The following PIGK variants were observed in gnomAD, a reference collection of about 807,000 sequenced individuals.
PIGK encodes phosphatidylinositol glycan anchor biosynthesis class K.
A neutral mutation model predicts 50.6 loss-of-function variants in PIGK; 42 were observed. The observed-to-expected ratio is 0.83, with a 90% CI of 0.65 to 1.07. The LOEUF is 1.07. Ranked by LOEUF, PIGK falls within the 50% of genes least tolerant of loss-of-function variation. The pLI is 0.00. For synonymous variants in PIGK, 151 were observed against 156.0 expected (o/e 0.97, Z 0.24); for missense variants, 448 against 488.7 (o/e 0.92, Z 0.78).
At chr1:77,212,342 C>G (rs2100589420) in intron 1 of PIGK, among the ~76,000 whole-genome samples, 1 of 152,220 alleles carries the variant, frequency 6.6e-6, no homozygotes, top group Non-Finnish European at 1.5e-5. Flanking sequence ...GCCTCCAAAT[C>G]TCCATCTATA....
intron 9 of PIGK, 131 bp downstream of exon 9, chr1:77,154,318 A>G: frequency 1.6e-6 from 1 of 630,278 alleles, no homozygotes. Flanking sequence ...AGCCTACATA[A>G]AGTGAAGACT....
At chr1:77,189,678 G>A (rs1655837214) in intron 3 of PIGK, among the ~76,000 whole-genome samples, 1 of 135,696 alleles carries the variant, frequency 7.4e-6, no homozygotes, top group African/African-American at 2.8e-5. Context: ...GTGATTGTGT[G>A]AGTTAACAAT....
At chr1:77,134,923 T>C (rs1363248487) in intron 9 of PIGK, among the ~76,000 whole-genome samples, 1 of 152,158 alleles carries the variant, frequency 6.6e-6, no homozygotes, top group East Asian at 1.9e-4. Context: ...CCCAAATATA[T>C]GTTTTAAACA....
chr1:77,143,202 G>A (rs905174937), intron 9 of PIGK, among the ~76,000 whole-genome samples: 6 of 152,056 alleles, frequency 3.9e-5, no homozygotes, highest in African/African-American at 7.2e-5. Context: ...TTACTAATTA[G>A]TAATAAATAA....
At position 77,171,436 on chromosome 1, in the gene PIGK, C is replaced by CAAAAAAAAAAAAAAAAAA; in HGVS notation, c.240-2059_240-2042dup. Among the ~76,000 whole-genome samples, 62 of 46,888 alleles carry CAAAAAAAAAAAAAAAAAA rather than the reference C, an allele frequency of 1.3e-3. 2 individuals are homozygous for CAAAAAAAAAAAAAAAAAA. The highest frequency in any genetic ancestry group is 2.3e-3 in the Admixed American group (7 of 3,092). 30.8% of individuals were successfully genotyped at this position (46,888 alleles called of 152,430 possible). A position where few individuals can be genotyped will look rare whatever the true frequency, so the allele number is the denominator to read the frequency against. ...TGGGCAACAGAGCAAGACTCCACCT[C>CAAAAAAAAAAAAAAAAAA]AAAAAAAAAAAAAAAAAAAAAAAAA... On this transcript the variant is annotated intron_variant, in intron 3 of 10. Transcript: ENST00000370812.
intron 9 of PIGK, among the ~76,000 whole-genome samples, chr1:77,142,075 G>A (rs1387184335): frequency 1.3e-5 from 2 of 152,140 alleles, no homozygotes; most frequent in East Asian, 3.8e-4. Context: ...ATTAACACTA[G>A]TAAGATAAAA....
rs1656669972 is a variant in PIGK at position 77,219,366 on chromosome 1, C to G, written c.37G>C (p.Val13Leu). 4 of 1,613,772 alleles carry G rather than the reference C, an allele frequency of 2.5e-6. No individual in the cohort carries two copies. The highest frequency in any genetic ancestry group is 1.3e-5 in the African/African-American group (1 of 74,932). Residue 13 changes from valine (V) to leucine (L), a missense_variant, in exon 1 of 11, where the codon GTC (valine) becomes CTC (leucine). Transcript: ENST00000370812. Reference protein sequence around the residue: ...VTDSLSRAATVLATVLLLSFG... With the variant: ...VTDSLSRAATLLATVLLLSFG... ...GACAAGAGCAACACAGTTGCCAAGA[C>G]AGTCGCAGCCCGGCTGAGGCTGTCG...
At chr1:77,203,313 G>A (rs1656213577) in intron 3 of PIGK, among the ~76,000 whole-genome samples, 1 of 151,882 alleles carries the variant, frequency 6.6e-6, no homozygotes, top group Non-Finnish European at 1.5e-5. Context: ...AGCTAAACAG[G>A]GATTTAGTCC....
intron 3 of PIGK, among the ~76,000 whole-genome samples, chr1:77,183,173 T>C (rs142202382): frequency 6.6e-6 from 1 of 152,252 alleles, no homozygotes; most frequent in East Asian, 1.9e-4. Context: ...AGGGCATTGA[T>C]TGGAAAAGAA....
chr1:77,174,464 G>T (rs1655436470), intron 3 of PIGK, among the ~76,000 whole-genome samples: 2 of 152,140 alleles, frequency 1.3e-5, no homozygotes, highest in Admixed American at 1.3e-4. Context: ...GTTTTGTATT[G>T]CTTTATCTGA....
At chr1:77,125,896 T>C (rs534043217) in intron 9 of PIGK, among the ~76,000 whole-genome samples, 6 of 152,342 alleles carry the variant, frequency 3.9e-5, no homozygotes, top group African/African-American at 1.4e-4. Flanking sequence ...TTATTGCAGA[T>C]TATTTTCTTG....
chr1:77,169,119 T>C (rs879314170), intron 4 of PIGK, 141 bp downstream of exon 4: 15 of 503,172 alleles, frequency 3.0e-5, no homozygotes, highest in South Asian at 4.4e-5. Context: ...TGCCTTAATA[T>C]GAACTTCAGA....
In PIGK at chr1:77,100,226, G is replaced by A. The variant is rs776472159; in HGVS notation, c.1072-7736C>T. On this transcript the variant is annotated intron_variant, in intron 10 of 10. Transcript: ENST00000370812. ...TCAATGAGATTCTTAAATGTATAAT[G>A]AGCATATGAGTTCAGTTAAATTGTA... 2.6e-5 allele frequency among the ~76,000 whole-genome samples: 4 copies of A among 152,148 alleles called. No homozygotes were observed. In the South Asian group the frequency reaches 8.3e-4, roughly 32 times the overall value.
chr1:77,124,034 T>C (rs980991978), intron 9 of PIGK, among the ~76,000 whole-genome samples: 9 of 149,080 alleles, frequency 6.0e-5, no homozygotes, highest in African/African-American at 2.0e-4. Flanking sequence ...TAGAGGAAAA[T>C]GGCCATCTAC....
At chr1:77,106,321 C>A (rs1331964528) in intron 10 of PIGK, among the ~76,000 whole-genome samples, 7 of 152,104 alleles carry the variant, frequency 4.6e-5, no homozygotes, top group Non-Finnish European at 1.0e-4. Flanking sequence ...GATACATAGG[C>A]TGAAGAACAA....
intron 3 of PIGK, among the ~76,000 whole-genome samples, chr1:77,196,194 G>A (rs1174731278): frequency 1.3e-5 from 2 of 152,218 alleles, no homozygotes; most frequent in Non-Finnish European, 2.9e-5. Flanking sequence ...ATTCCATGGT[G>A]TATATGTACC....
intron 10 of PIGK, among the ~76,000 whole-genome samples, chr1:77,113,220 A>G (rs1290795266): frequency 6.6e-6 from 1 of 152,096 alleles, no homozygotes; most frequent in African/African-American, 2.4e-5. Context: ...AAGCACCAAA[A>G]ACTTTTCTGA....
At chr1:77,149,967 T>C (rs576816255) in intron 9 of PIGK, among the ~76,000 whole-genome samples, 83 of 149,982 alleles carry the variant, frequency 5.5e-4, no homozygotes, top group African/African-American at 1.8e-3. Flanking sequence ...TACAAATACA[T>C]GGAAATAACA....
intron 1 of PIGK, among the ~76,000 whole-genome samples, chr1:77,211,661 A>C (rs750700945): frequency 6.6e-6 from 1 of 152,036 alleles, no homozygotes; most frequent in Non-Finnish European, 1.5e-5. Context: ...TAATCCTTTA[A>C]TCATTTAATA....
Sources: gnomAD v4.1 joint callset for allele counts (sites outside exome capture counted in the v4.1 genomes callset) on GRCh38, gnomAD v4.1.1 for gene constraint, MANE v1.5 for transcripts, NCBI Gene and HGNC (gene_info 2026-07-23, HGNC 2026-07-21) for gene names.